The following OTOP3 variants were observed in gnomAD, a reference collection of about 807,000 sequenced individuals.
OTOP3 encodes the protein proton channel OTOP3.
In OTOP3, 41 loss-of-function variants were observed where a neutral mutation model predicts 50.8. The observed-to-expected ratio is 0.81, with a 90% confidence interval of 0.63 to 1.05. The LOEUF (loss-of-function observed/expected upper bound fraction) is 1.05. OTOP3 is among the 50% of genes least tolerant of loss of function. The probability of loss-of-function intolerance (pLI) is 0.00; values close to 1 mark genes in which losing one functional copy is unlikely to be tolerated. For missense variants in OTOP3, 788 were observed against 760.8 expected (o/e 1.04, Z -0.42); for synonymous variants, 320 against 324.4 (o/e 0.99, Z 0.14).
chr17:74,936,194 C>A, intron 1 of OTOP3, among the ~76,000 whole-genome samples: 1 of 136,056 alleles, frequency 7.3e-6, no homozygotes, highest in East Asian at 2.2e-4. Context: ...CGCGACTCCT[C>A]CCGGCCGGGT....
At chr17:74,943,404 G>C in intron 4 of OTOP3, 60 bp downstream of exon 4, 35 of 1,576,410 alleles carry the variant, frequency 2.2e-5, no homozygotes, top group Non-Finnish European at 2.6e-5. Context: ...CACTTCCCTG[G>C]TCAGGGTGGC....
chr17:74,941,815 T>G lies in OTOP3; in HGVS notation c.436+6T>G, dbSNP rs750784539. 6.2e-6 allele frequency: 10 copies of G among 1,602,468 alleles called. No homozygotes were observed. The highest frequency in any genetic ancestry group is 8.5e-6 in the Non-Finnish European group (10 of 1,173,100). ...GGGGCCCCTCTGGGTGCGGGGTGAGTGTCAGGTTGCTGGGGGGCTGGGCAG... is the reference window on the plus strand; with the variant it reads ...GGGGCCCCTCTGGGTGCGGGGTGAGGGTCAGGTTGCTGGGGGGCTGGGCAG... On this transcript the variant is annotated splice_donor_region_variant and intron_variant, in intron 2 of 6. Transcript: ENST00000328801.
In OTOP3 at chr17:74,942,495, G is replaced by A. The variant is rs1169962053; in HGVS notation, c.573+458G>A. Among the ~76,000 whole-genome samples the A allele has an allele frequency of 3.3e-5, 5 of 152,188 alleles. No individual in the cohort carries two copies. The South Asian group carries it at 8.3e-4, about 25-fold the overall frequency. On this transcript the variant is annotated intron_variant, in intron 3 of 6. Transcript: ENST00000328801. The stretch of plus-strand genomic sequence containing the variant: ...AAAATACAAAAATTAGCCGGGTGTG[G>A]TGGCGCACGCCTGTAGTCCCAGCTA...
In OTOP3 at chr17:74,947,254, T is replaced by A; in HGVS notation, c.1345T>A (p.Phe449Ile). The A allele has an allele frequency of 6.2e-7, 1 of 1,613,826 alleles. No individual in the cohort carries two copies. Among genetic ancestry groups the A allele is most frequent in the Non-Finnish European group, 8.5e-7 (1 of 1,179,918 alleles). ...LILQHIAQNL[F>I]IIEGLHRRPL... ...CCTGCAGCACATCGCTCAGAACCTCTTCATCATCGAGGGCCTGCACCGGCG... is the reference window on the plus strand; with the variant it reads ...CCTGCAGCACATCGCTCAGAACCTCATCATCATCGAGGGCCTGCACCGGCG... Residue 449 changes from phenylalanine (F) to isoleucine (I), a missense_variant, in exon 6 of 7, where the codon TTC becomes ATC. Coordinates refer to ENST00000328801, the MANE Select transcript of OTOP3 (RefSeq NM_001272005.2).
intron 1 of OTOP3, among the ~76,000 whole-genome samples, chr17:74,936,459 C>T (rs2039115899): frequency 6.6e-6 from 1 of 152,334 alleles, no homozygotes. Context: ...TCCAGTGTCC[C>T]GGCCCTCCCT....
chr17:74,940,705 C>T (rs1042244578), intron 1 of OTOP3, among the ~76,000 whole-genome samples: 1 of 152,174 alleles, frequency 6.6e-6, no homozygotes, highest in African/African-American at 2.4e-5. Context: ...ACAGTTTCAT[C>T]CCGAAACCAT....
At position 74,949,404 on chromosome 17, in the gene OTOP3, C is replaced by T. The variant is rs1458588919; in HGVS notation, c.1725C>T (p.Tyr575=). 6.2e-7 allele frequency: 1 copy of T among 1,612,752 alleles called. No homozygotes were observed. The highest frequency in any genetic ancestry group is 2.2e-5 in the East Asian group (1 of 44,868). The change falls in exon 7 of 7, where the codon TAC becomes TAT. Residue 575 remains tyrosine, a synonymous_variant. Coordinates refer to ENST00000328801, the MANE Select transcript of OTOP3 (RefSeq NM_001272005.2). ...MHSVGGLVEV[Y]LGA ...CTGTGGGAGGCCTGGTGGAGGTCTA[C>T]CTGGGGGCCTGAGGCTGCCCACCCC...
rs2039262771 is a variant in OTOP3 at position 74,949,485 on chromosome 17, A to T, written c.*69A>T. 1.3e-6 allele frequency: 2 copies of T among 1,549,560 alleles called. No homozygotes were observed. The highest frequency in any genetic ancestry group is 2.7e-5 in the African/African-American group (2 of 73,390). On this transcript the variant is annotated 3_prime_UTR_variant, in exon 7 of 7. Coordinates refer to ENST00000328801, the MANE Select transcript of OTOP3 (RefSeq NM_001272005.2). ...AGATGGTAGCCCAGAGTCTCTGAGCAGATGCCTCATTCTGAGGTGCCGAGA... is the reference window on the plus strand; with the variant it reads ...AGATGGTAGCCCAGAGTCTCTGAGCTGATGCCTCATTCTGAGGTGCCGAGA...
intron 4 of OTOP3, 75 bp from the exon 5 acceptor site, chr17:74,943,531 C>A: frequency 6.8e-7 from 1 of 1,480,610 alleles, no homozygotes; most frequent in Non-Finnish European, 9.4e-7. Context: ...GTTGCCCCAA[C>A]AACAGTGGAT....
intron 3 of OTOP3, 106 bp from the exon 4 acceptor site, chr17:74,943,180 T>C (rs2039193659): frequency 3.0e-6 from 3 of 1,004,774 alleles, no homozygotes; most frequent in South Asian, 1.3e-5. Context: ...GACCCAGTCT[T>C]TCTCCCTGTG....
intron 3 of OTOP3, among the ~76,000 whole-genome samples, chr17:74,942,838 A>G (rs1349508301): frequency 6.7e-6 from 1 of 148,900 alleles, no homozygotes; most frequent in South Asian, 2.2e-4. Context: ...CCAGCTACTC[A>G]GGAGGCTGAG....
Position 74,941,595 on chromosome 17 carries a change from G to A in OTOP3, c.222G>A (p.Gly74=), listed in dbSNP as rs372888062. The A allele has an allele frequency of 6.2e-7, 1 of 1,612,948 alleles. No individual in the cohort carries two copies. Among genetic ancestry groups the A allele is most frequent in the Non-Finnish European group, 8.5e-7 (1 of 1,179,252 alleles). The change falls in exon 2 of 7, where the codon GGG becomes GGA. Residue 74 remains glycine (G), a synonymous_variant. Transcript: ENST00000328801. The part of the protein sequence containing the change: ...QAQKAGQLFS[G]LLALNVVFLG... ...AGAAGGCTGGACAACTCTTCTCGGG[G>A]CTCCTGGCCCTGAATGTGGTGTTCC... is the stretch of plus-strand genomic sequence containing the variant.
At chr17:74,942,591 A>G (rs959700519) in intron 3 of OTOP3, among the ~76,000 whole-genome samples, 3 of 151,236 alleles carry the variant, frequency 2.0e-5, no homozygotes, top group African/African-American at 7.3e-5. Context: ...AGATCATGCC[A>G]CTGAGCTCCA....
In OTOP3 at chr17:74,937,883, A is replaced by G. The variant is rs529312288; in HGVS notation, c.19+1943A>G. ...CCAGCAAAGTAGCACCAGAAGGCTTAGGCAGAGAGGAAGGCTTTCCAGGTG... is the reference window on the plus strand; with the variant it reads ...CCAGCAAAGTAGCACCAGAAGGCTTGGGCAGAGAGGAAGGCTTTCCAGGTG... On this transcript the variant is annotated intron_variant, in intron 1 of 6. Coordinates refer to ENST00000328801, the MANE Select transcript of OTOP3 (RefSeq NM_001272005.2). Among the ~76,000 whole-genome samples the G allele has an allele frequency of 5.4e-4, 83 of 152,308 alleles. 2 individuals carry two copies. In the South Asian group the frequency reaches 0.017, roughly 30 times the overall value.
At chr17:74,945,943 G>A (rs752240537) in intron 5 of OTOP3, among the ~76,000 whole-genome samples, 7 of 151,528 alleles carry the variant, frequency 4.6e-5, no homozygotes, top group African/African-American at 7.3e-5. Context: ...TGTGCCATCC[G>A]GCTAATGTTT....
chr17:74,941,752 C>G lies in OTOP3; in HGVS notation c.379C>G (p.Arg127Gly). 6.2e-7 allele frequency: 1 copy of G among 1,613,982 alleles called. No individual in the cohort carries two copies. The highest frequency in any genetic ancestry group is 8.5e-7 in the Non-Finnish European group (1 of 1,179,980). ...WLLYYVASTT[R>G]RPHAVLYQDP... is the part of the protein sequence containing the mutation. ...TCTCTACTATGTGGCAAGCACCACC[C>G]GCCGACCACACGCCGTGCTCTACCA... The change falls in exon 2 of 7, where the codon CGC becomes GGC. Residue 127 changes from arginine to glycine, a missense_variant. Physicochemically the swap from Arg to Gly is moderately radical, Grantham distance 125. Coordinates refer to ENST00000328801, the MANE Select transcript of OTOP3 (RefSeq NM_001272005.2).
chr17:74,940,088 TACACAC>T (rs35662550), intron 1 of OTOP3, among the ~76,000 whole-genome samples: 1,653 of 122,316 alleles, frequency 0.014, 16 homozygotes, highest in African/African-American at 0.025. Flanking sequence ...ATATATATTA[TACACAC>T]ACACACACAC....
intron 1 of OTOP3, among the ~76,000 whole-genome samples, chr17:74,937,981 G>C (rs1043797874): frequency 3.3e-5 from 5 of 152,192 alleles, no homozygotes. Context: ...CAGGAGGCAG[G>C]AGACCATGGG....
chr17:74,943,702 C>T lies in OTOP3; in HGVS notation c.729C>T (p.Gly243=), dbSNP rs778368130. 6.2e-7 allele frequency: 1 copy of T among 1,609,512 alleles called. No homozygotes were observed. Among genetic ancestry groups the T allele is most frequent in the Admixed American group, 1.7e-5 (1 of 59,924 alleles). The change falls in exon 5 of 7, where the codon GGC becomes GGT. Residue 243 remains glycine (G), a synonymous_variant. Coordinates refer to ENST00000328801, the MANE Select transcript of OTOP3 (RefSeq NM_001272005.2). ...SMHREIEAEL[G]ILMEKSTGNE... is the part of the protein sequence containing the mutation. ...ACCGAGAGATCGAAGCTGAGCTTGGCATCCTCATGGAAAAATCCACAGGTA... is the reference window on the plus strand; with the variant it reads ...ACCGAGAGATCGAAGCTGAGCTTGGTATCCTCATGGAAAAATCCACAGGTA...
Sources: allele counts gnomAD v4.1 joint callset (sites outside exome capture counted in the v4.1 genomes callset), GRCh38; gene constraint gnomAD v4.1.1; transcripts MANE v1.5; gene names NCBI Gene and HGNC (gene_info 2026-07-23, HGNC 2026-07-21).